The following CCT3 variants were observed in gnomAD, a reference collection of about 807,000 sequenced individuals.
CCT3 encodes T-complex protein 1 subunit gamma.
CCT3 carries 10 observed loss-of-function variants against 65.3 expected under a neutral mutation model. The ratio of observed to expected loss-of-function variants is 0.15; its 90% confidence interval spans 0.09 to 0.26. The LOEUF (loss-of-function observed/expected upper bound fraction) is 0.26, where lower values mean the gene tolerates loss of function less well. Among genes scored for constraint, CCT3 ranks in the 10% least tolerant of loss-of-function variants. The probability of loss-of-function intolerance (pLI) is 1.00; values close to 1 mark genes in which losing one functional copy is unlikely to be tolerated. For synonymous variants in CCT3, 225 were observed against 242.3 expected (o/e 0.93, Z 0.66); for missense variants, 626 against 708.7 (o/e 0.88, Z 1.33).
chr1:156,320,182 G>C (rs889565982), intron 7 of CCT3, among the ~76,000 whole-genome samples: 1 of 152,118 alleles, frequency 6.6e-6, no homozygotes, highest in Non-Finnish European at 1.5e-5. Flanking sequence ...AAGGTGGGCA[G>C]ATCACTGAGG....
intron 5 of CCT3, 60 bp from the exon 6 acceptor site, chr1:156,325,149 C>G: frequency 1.7e-6 from 2 of 1,183,506 alleles, no homozygotes; most frequent in South Asian, 2.4e-5. Context: ...AGGCAAGTAA[C>G]TTAATTATTC....
At chr1:156,328,114 G>A (rs1468431993) in intron 5 of CCT3, among the ~76,000 whole-genome samples, 1 of 142,892 alleles carries the variant, frequency 7.0e-6, no homozygotes, top group Non-Finnish European at 1.6e-5. Context: ...CCGTCCGGGA[G>A]GTGAGGGGCG....
intron 1 of CCT3, chr1:156,337,174 G>T (rs1218263440): frequency 2.6e-6 from 2 of 764,706 alleles, no homozygotes; most frequent in East Asian, 1.4e-4. Context: ...GGAGGCCGAG[G>T]TGGGCGGATC....
At position 156,334,741 on chromosome 1, in the gene CCT3, G is replaced by A. The variant is rs1234597211; in HGVS notation, c.179C>T (p.Thr60Ile). Residue 60 changes from threonine to isoleucine, a missense_variant, in exon 4 of 14, where the codon ACC (threonine) becomes ATC (isoleucine). By Grantham distance (89) the Thr-to-Ile change is moderately conservative (BLOSUM62 -1). Coordinates refer to ENST00000295688, the MANE Select transcript of CCT3 (RefSeq NM_005998.5). ...TCGAAGAATGGCATTGCCATCATTGGTCATCACAATGCCTCCCATTGGGTC... is the reference window on the plus strand; with the variant it reads ...TCGAAGAATGGCATTGCCATCATTGATCATCACAATGCCTCCCATTGGGTC... ...LLDPMGGIVM[T>I]NDGNAILREI... The A allele has an allele frequency of 6.2e-7, 1 of 1,614,040 alleles. No individual in the cohort carries two copies. The highest frequency in any genetic ancestry group is 8.5e-7 in the Non-Finnish European group (1 of 1,179,980).
chr1:156,333,154 G>A lies in CCT3; in HGVS notation c.304+393C>T, dbSNP rs186954451. On this transcript the variant is annotated intron_variant, in intron 5 of 13. Transcript: ENST00000295688. ...CTAAAAATACAAAAATTAGCTGGGCGTGGTGGCACGTGACTATAGTCCCAG... is the reference window on the plus strand; with the variant it reads ...CTAAAAATACAAAAATTAGCTGGGCATGGTGGCACGTGACTATAGTCCCAG... The A allele has an allele frequency of 8.4e-4, 196 of 233,742 alleles. 1 individual carries two copies. The highest frequency in any genetic ancestry group is 4.4e-3 in the African/African-American group (184 of 42,232). The allele number at this position is 233,742 out of a possible 1,614,324, so 14.5% of individuals were successfully genotyped here.
intron 2 of CCT3, chr1:156,335,571 A>G (rs931744411): frequency 2.4e-6 from 1 of 419,080 alleles, no homozygotes; most frequent in Non-Finnish European, 4.2e-6. Context: ...GACAAACACA[A>G]ATAGAATACT....
chr1:156,315,707 C>T (rs890217729), intron 10 of CCT3, among the ~76,000 whole-genome samples: 2 of 152,080 alleles, frequency 1.3e-5, no homozygotes, highest in African/African-American at 4.8e-5. Context: ...TTCCCCTAAC[C>T]CCCAAGTTGT....
chr1:156,313,283 G>A (rs539427223), intron 10 of CCT3, among the ~76,000 whole-genome samples: 370 of 143,698 alleles, frequency 2.6e-3, no homozygotes, highest in Non-Finnish European at 3.3e-3. Flanking sequence ...AGGTTGCAGC[G>A]AGCTGAGATT....
chr1:156,312,190 C>G lies in CCT3; in HGVS notation c.1006G>C (p.Glu336Gln), dbSNP rs368300637. The change falls in exon 11 of 14, where the codon GAG (glutamate) becomes CAG (glutamine). Residue 336 changes from glutamate (E) to glutamine (Q), a missense_variant. Physicochemically the swap from Glu to Gln is conservative, Grantham distance 29 (BLOSUM62 2). Transcript: ENST00000295688. ...CCAACATCATCTTCTCTCAGTTCCTCTGGTCGGCTGACTATCCGGGCCCCA... is the reference window on the plus strand; with the variant it reads ...CCAACATCATCTTCTCTCAGTTCCTGTGGTCGGCTGACTATCCGGGCCCCA... The part of the protein sequence containing the change: ...ACGARIVSRP[E>Q]ELREDDVGTG... 2 of 1,613,978 alleles carry G rather than the reference C, an allele frequency of 1.2e-6. No homozygotes were observed. The highest frequency in any genetic ancestry group is 2.7e-5 in the African/African-American group (2 of 74,918).
intron 5 of CCT3, among the ~76,000 whole-genome samples, chr1:156,328,435 G>T (rs1664956233): frequency 6.6e-6 from 1 of 152,140 alleles, no homozygotes; most frequent in South Asian, 2.1e-4. Context: ...GTGGGGAAAA[G>T]ATTGAGAAAT....
chr1:156,317,910 C>T (rs1254652501), intron 8 of CCT3, among the ~76,000 whole-genome samples: 1 of 151,978 alleles, frequency 6.6e-6, no homozygotes, highest in Non-Finnish European at 1.5e-5. Flanking sequence ...GACGGGGTTT[C>T]ACCACGTTAG....
rs1312404278 is a variant in CCT3, at chr1:156,333,560, T to C, written c.291A>G (p.Ser97=). The C allele has an allele frequency of 3.7e-6, 6 of 1,613,386 alleles. No homozygotes were observed. The East Asian group carries it at 1.1e-4, about 30-fold the overall frequency. Residue 97 remains serine (S), a synonymous_variant, in exon 5 of 14, where the codon TCA becomes TCG. Transcript: ENST00000295688. ...QDEEVGDGTT[S]VIILAGEMLS... ...TTCTCCTCTTACCAAGAATAATTAC[T>C]GATGTGGTCCCATCTCCAACCTCTT...
At chr1:156,332,557 G>C (rs924991106) in intron 5 of CCT3, 2 of 152,162 alleles carry the variant, frequency 1.3e-5, no homozygotes, top group African/African-American at 4.8e-5. Context: ...GAAATTCACA[G>C]AATGGCAAAA....
At chr1:156,318,662 C>T (rs1664412173) in intron 8 of CCT3, among the ~76,000 whole-genome samples, 1 of 152,132 alleles carries the variant, frequency 6.6e-6, no homozygotes, top group Non-Finnish European at 1.5e-5. Flanking sequence ...AGCTGTATTC[C>T]TCAAGCAATT....
chr1:156,309,603 T>C (rs1663990991), intron 13 of CCT3, among the ~76,000 whole-genome samples: 1 of 151,642 alleles, frequency 6.6e-6, no homozygotes, highest in Non-Finnish European at 1.5e-5. Context: ...ATTTTGTATT[T>C]TTAGTAGAGA....
intron 5 of CCT3, chr1:156,333,308 A>G (rs1558274195): frequency 1.2e-5 from 5 of 408,266 alleles, no homozygotes; most frequent in East Asian, 5.8e-5. Context: ...AAAAAAAAAA[A>G]AGAATATTAT....
intron 5 of CCT3, chr1:156,333,325 C>A: frequency 1.8e-5 from 8 of 433,566 alleles, no homozygotes; most frequent in Non-Finnish European, 2.5e-5. Flanking sequence ...TTATAACTTA[C>A]AGTGAATAAA....
At chr1:156,326,895 A>C (rs1374581504) in intron 5 of CCT3, among the ~76,000 whole-genome samples, 1 of 151,986 alleles carries the variant, frequency 6.6e-6, no homozygotes, top group Non-Finnish European at 1.5e-5. Context: ...AAAATACAAA[A>C]ATTAGCCAGG....
intron 6 of CCT3, 141 bp from the exon 7 acceptor site, chr1:156,321,166 A>T (rs752587384): frequency 1.3e-4 from 86 of 650,124 alleles, no homozygotes; most frequent in Non-Finnish European, 2.0e-4. Context: ...AACTAAAAGG[A>T]CATTAGGAGG....
Sources: gnomAD v4.1 joint callset for allele counts (sites outside exome capture counted in the v4.1 genomes callset) on GRCh38, gnomAD v4.1.1 for gene constraint, MANE v1.5 for transcripts, NCBI Gene and HGNC (gene_info 2026-07-23, HGNC 2026-07-21) for gene names.